The following SCAF8 variants were observed in gnomAD, a reference collection of about 807,000 sequenced individuals.
The protein encoded by SCAF8 is SR-related CTD associated factor 8.
Under a neutral mutation model 140.5 loss-of-function variants are expected in SCAF8, and 23 were observed. The observed-to-expected ratio is 0.16, with a 90% confidence interval of 0.12 to 0.23. The LOEUF (loss-of-function observed/expected upper bound fraction) is 0.23. Ranked by LOEUF, SCAF8 falls within the 10% of genes least tolerant of loss-of-function variation. The pLI is 1.00. For missense variants in SCAF8, 1,397 were observed against 1,555.7 expected (o/e 0.90, Z 1.72); for synonymous variants, 575 against 528.9 (o/e 1.09, Z -1.20).
At chr6:154,828,675 A>AT (rs1487354181) in intron 18 of SCAF8, among the ~76,000 whole-genome samples, 1 of 151,838 alleles carries the variant, frequency 6.6e-6, no homozygotes, top group Non-Finnish European at 1.5e-5. Flanking sequence ...AGAATCAGCC[A>AT]TTTTTCCAGT....
intron 1 of SCAF8, among the ~76,000 whole-genome samples, chr6:154,765,684 T>G (rs1776543193): frequency 8.3e-6 from 1 of 121,040 alleles, no homozygotes; most frequent in East Asian, 3.2e-4. Context: ...ACTCTCTAAT[T>G]TCTGGATTTA....
chr6:154,798,841 TC>T (rs1777684628), intron 6 of SCAF8, among the ~76,000 whole-genome samples: 1 of 151,340 alleles, frequency 6.6e-6, no homozygotes, highest in Non-Finnish European at 1.5e-5. Context: ...GCTTTGTCAC[TC>T]AGACTGGAGT....
chr6:154,768,120 C>T (rs1372295608), intron 1 of SCAF8, among the ~76,000 whole-genome samples: 1 of 152,180 alleles, frequency 6.6e-6, no homozygotes, highest in Admixed American at 6.5e-5. Context: ...GCAGTGACAG[C>T]TTCATGAATT....
Position 154,792,898 on chromosome 6 carries a change from G to A in SCAF8, c.397G>A (p.Asp133Asn). ...FKSEIIQPLLDMAAGIPPPVV... is the reference protein window; with the variant it reads ...FKSEIIQPLLNMAAGIPPPVV... Reference sequence around the variant, plus strand: ...GAGTGAGATTATTCAGCCCCTTTTGGATATGGCAGCCGGGATTCCGCCTCC... The same window carrying A: ...GAGTGAGATTATTCAGCCCCTTTTGAATATGGCAGCCGGGATTCCGCCTCC... Residue 133 changes from aspartate to asparagine, a missense_variant, in exon 5 of 20, where the codon GAT (aspartate) becomes AAT (asparagine). By Grantham distance (23) the Asp-to-Asn change is conservative. Around this residue, in one of 5 missense-constraint regions of SCAF8, gnomAD observed 43 missense variants for 142.1 expected, o/e 0.30. Coordinates refer to ENST00000367178, the MANE Select transcript of SCAF8 (RefSeq NM_014892.5). 6.2e-7 allele frequency: 1 copy of A among 1,613,792 alleles called. No homozygotes were observed. Among genetic ancestry groups the A allele is most frequent in the South Asian group, 1.1e-5 (1 of 91,050 alleles).
chr6:154,824,404 G>A (rs757682972), intron 17 of SCAF8, 26 bp downstream of exon 17: 2 of 1,585,142 alleles, frequency 1.3e-6, no homozygotes, highest in Non-Finnish European at 1.7e-6. Flanking sequence ...TTTAATATTT[G>A]AACTCTATTT....
Position 154,822,287 on chromosome 6 carries a change from G to C in SCAF8, c.1804G>C (p.Val602Leu). 6.2e-7 allele frequency: 1 copy of C among 1,608,424 alleles called. No individual in the cohort carries two copies. Among genetic ancestry groups the C allele is most frequent in the Non-Finnish European group, 8.5e-7 (1 of 1,178,042 alleles). The part of the protein sequence containing the change: ...QETVNTEWET[V>L]KSSEPVKETV... The stretch of plus-strand genomic sequence containing the variant: ...ACTATTTTGTTTAGAGTGGGAAACT[G>C]TGAAAAGCTCAGAACCTGTTAAAGA... Residue 602 changes from valine to leucine, a missense_variant, in exon 16 of 20, where the codon GTG becomes CTG. By Grantham distance (32) the Val-to-Leu change is conservative. Transcript: ENST00000367178.
chr6:154,791,975 G>T (rs527977917), intron 4 of SCAF8, among the ~76,000 whole-genome samples: 3 of 151,968 alleles, frequency 2.0e-5, no homozygotes, highest in East Asian at 3.9e-4. Context: ...TCAAAAGTCT[G>T]CTTGCCAGTG....
intron 15 of SCAF8, 127 bp from the exon 16 acceptor site, chr6:154,822,149 G>A: frequency 2.1e-6 from 2 of 942,092 alleles, no homozygotes; most frequent in Non-Finnish European, 3.1e-6. Context: ...GGCACCTACG[G>A]TTGTGGATAT....
In SCAF8 at chr6:154,833,140, G is replaced by A; in HGVS notation, c.3561G>A (p.Trp1187Ter). The change falls in exon 20 of 20, where the codon TGG becomes TGA. Residue 1187 changes from tryptophan to a stop codon, truncating the protein, a stop_gained. Coordinates refer to ENST00000367178, the MANE Select transcript of SCAF8 (RefSeq NM_014892.5). LOFTEE classifies it high-confidence loss of function. ...GACGAGACAGAATTCAAAACACTTG[G>A]GTTCCCCCTCCTCATGCTCGGGTTT... is the stretch of plus-strand genomic sequence containing the variant. ...RLGRDRIQNT[W>*]VPPPHARVFD... 1 of 1,614,030 alleles carries A rather than the reference G, an allele frequency of 6.2e-7. No individual in the cohort carries two copies. The highest frequency in any genetic ancestry group is 8.5e-7 in the Non-Finnish European group (1 of 1,179,988).
chr6:154,815,811 A>G lies in SCAF8; in HGVS notation c.1516A>G (p.Ile506Val). ...TGAAGAGTTTGGACAGATTGAATCC[A>G]TTAATGCAAGTATCAGTTCTTAATA... Reference protein sequence around the residue: ...LFEEFGQIESINMIPPRGCAY... With the variant: ...LFEEFGQIESVNMIPPRGCAY... The change falls in exon 13 of 20, where the codon ATT (isoleucine) becomes GTT (valine). Residue 506 changes from isoleucine to valine, a missense_variant. By Grantham distance (29) the Ile-to-Val change is conservative. Transcript: ENST00000367178. The G allele has an allele frequency of 6.3e-7, 1 of 1,594,082 alleles. No individual in the cohort carries two copies. Among genetic ancestry groups the G allele is most frequent in the Non-Finnish European group, 8.6e-7 (1 of 1,162,550 alleles).
In SCAF8 at chr6:154,733,680, C is replaced by T. The variant is rs1778323442; in HGVS notation, c.-221C>T. The T allele has an allele frequency of 2.3e-6, 3 of 1,306,818 alleles. No individual in the cohort carries two copies. Among genetic ancestry groups the T allele is most frequent in the Non-Finnish European group, 2.9e-6 (3 of 1,031,334 alleles). 81.0% of individuals were successfully genotyped at this position (1,306,818 alleles called of 1,614,324 possible). A position where few individuals can be genotyped will look rare whatever the true frequency, so the allele number is the denominator to read the frequency against. ...AGCGCCTCTGTTCCCTAGAACGGCGCTCCCCCCGCCCTAGCGGCCATGCCG... is the reference window on the plus strand; with the variant it reads ...AGCGCCTCTGTTCCCTAGAACGGCGTTCCCCCCGCCCTAGCGGCCATGCCG... On this transcript the variant is annotated 5_prime_UTR_variant, in exon 1 of 20. Coordinates refer to ENST00000367178, the MANE Select transcript of SCAF8 (RefSeq NM_014892.5).
intron 6 of SCAF8, among the ~76,000 whole-genome samples, chr6:154,798,515 C>T (rs1402217519): frequency 2.0e-5 from 3 of 151,378 alleles, no homozygotes; most frequent in African/African-American, 7.2e-5. Flanking sequence ...CCTTTCTTCC[C>T]TTTGTTCTTC....
chr6:154,783,508 T>TA (rs1181299925), intron 3 of SCAF8, among the ~76,000 whole-genome samples: 1 of 152,212 alleles, frequency 6.6e-6, no homozygotes, highest in Non-Finnish European at 1.5e-5. Context: ...ACATATTTAG[T>TA]AAGAGCAGGA....
At chr6:154,777,527 A>G (rs1181020805) in intron 2 of SCAF8, among the ~76,000 whole-genome samples, 1 of 152,204 alleles carries the variant, frequency 6.6e-6, no homozygotes, top group Non-Finnish European at 1.5e-5. Context: ...GAAGGAGATA[A>G]ATGAAGTAGA....
At chr6:154,788,879 T>C (rs1416033705) in intron 4 of SCAF8, among the ~76,000 whole-genome samples, 1 of 152,190 alleles carries the variant, frequency 6.6e-6, no homozygotes, top group African/African-American at 2.4e-5. Context: ...GTTGGAAATT[T>C]AGGTGTGCTT....
At chr6:154,807,626 G>A (rs1331174030) in intron 9 of SCAF8, among the ~76,000 whole-genome samples, 3 of 152,076 alleles carry the variant, frequency 2.0e-5, no homozygotes, top group Admixed American at 2.0e-4. Flanking sequence ...TGATCCACCC[G>A]CCTCAGCCTC....
chr6:154,808,039 A>G (rs892770775), intron 9 of SCAF8, 31 bp from the exon 10 acceptor site: 26 of 1,578,652 alleles, frequency 1.6e-5, no homozygotes, highest in Non-Finnish European at 2.2e-5. Flanking sequence ...GTATCTCCCA[A>G]TCTTTGTGTG....
chr6:154,769,451 C>T (rs780061433), intron 1 of SCAF8, among the ~76,000 whole-genome samples: 1 of 152,086 alleles, frequency 6.6e-6, no homozygotes, highest in Admixed American at 6.6e-5. Flanking sequence ...TCTTCATTAC[C>T]CTAGTAATAT....
chr6:154,785,450 C>T (rs1424192979), intron 3 of SCAF8, among the ~76,000 whole-genome samples: 1 of 152,194 alleles, frequency 6.6e-6, no homozygotes, highest in Non-Finnish European at 1.5e-5. Context: ...TTACTCTCTT[C>T]CTCGCAATGC....
Sources: allele counts gnomAD v4.1 joint callset (sites outside exome capture counted in the v4.1 genomes callset), GRCh38; gene constraint gnomAD v4.1.1; regional missense constraint gnomAD v4.1.1; transcripts MANE v1.5; gene names NCBI Gene and HGNC (gene_info 2026-07-23, HGNC 2026-07-21).